The following TNIK variants were observed in gnomAD, a reference collection of about 807,000 sequenced individuals.
TNIK encodes TRAF2 and NCK-interacting protein kinase.
TNIK carries 49 observed loss-of-function variants against 191.3 expected under a neutral mutation model. The observed-to-expected ratio is 0.26, with a 90% confidence interval of 0.20 to 0.32. The LOEUF (loss-of-function observed/expected upper bound fraction) is 0.32, where lower values mean the gene tolerates loss of function less well. TNIK is among the 10% of genes least tolerant of loss of function. The pLI, the probability that TNIK is intolerant of heterozygous loss-of-function variation, is 1.00. For missense variants in TNIK, 1,155 were observed against 1,702.3 expected (o/e 0.68, Z 5.66); for synonymous variants, 594 against 600.9 (o/e 0.99, Z 0.17).
chr3:171,386,057 T>G (rs1375171107), intron 1 of TNIK, among the ~76,000 whole-genome samples: 1 of 152,216 alleles, frequency 6.6e-6, no homozygotes. Context: ...CTTCCAAAGC[T>G]GAAGCTGGGC....
intron 15 of TNIK, among the ~76,000 whole-genome samples, chr3:171,133,798 C>A (rs1729626562): frequency 6.6e-6 from 1 of 152,058 alleles, no homozygotes; most frequent in Non-Finnish European, 1.5e-5. Flanking sequence ...GCAGAGAAAT[C>A]CGGATGGAGA....
intron 1 of TNIK, among the ~76,000 whole-genome samples, chr3:171,398,757 T>A (rs758204727): frequency 3.5e-4 from 54 of 152,244 alleles, no homozygotes; most frequent in Admixed American, 9.8e-4. Flanking sequence ...TATGGGAGTG[T>A]ATTCATGGTT....
chr3:171,066,841 C>T (rs1718502183), intron 30 of TNIK, 106 bp from the exon 31 acceptor site: 56 of 1,355,278 alleles, frequency 4.1e-5, no homozygotes, highest in Non-Finnish European at 5.5e-5. Flanking sequence ...TTTTCATTGT[C>T]ACCCTAAAGA....
At chr3:171,423,265 C>T (rs1724062689) in intron 1 of TNIK, among the ~76,000 whole-genome samples, 1 of 152,048 alleles carries the variant, frequency 6.6e-6, no homozygotes, top group African/African-American at 2.4e-5. Context: ...CCTAGGAATC[C>T]AACTTACAAG....
chr3:171,234,892 G>A (rs907415590), intron 2 of TNIK, among the ~76,000 whole-genome samples: 16 of 152,136 alleles, frequency 1.1e-4, no homozygotes, highest in East Asian at 1.9e-4. Context: ...AGGGCCTTGC[G>A]CCAAGAACAC....
At chr3:171,272,001 A>C (rs1749165092) in intron 2 of TNIK, among the ~76,000 whole-genome samples, 1 of 152,246 alleles carries the variant, frequency 6.6e-6, no homozygotes, top group African/African-American at 2.4e-5. Context: ...TTAATTGTTG[A>C]ATTGTTTCTT....
chr3:171,436,265 C>T (rs1011885646), intron 1 of TNIK, among the ~76,000 whole-genome samples: 3 of 150,688 alleles, frequency 2.0e-5, no homozygotes, highest in Non-Finnish European at 3.0e-5. Flanking sequence ...GAGGCAGAAC[C>T]TAATACCTTG....
intron 1 of TNIK, among the ~76,000 whole-genome samples, chr3:171,439,087 G>C (rs922725731): frequency 6.6e-6 from 1 of 152,194 alleles, no homozygotes; most frequent in African/African-American, 2.4e-5. Flanking sequence ...GCTCACGCCT[G>C]TAATCCCAGC....
intron 24 of TNIK, among the ~76,000 whole-genome samples, chr3:171,086,736 G>C (rs1326833849): frequency 6.6e-6 from 1 of 152,132 alleles, no homozygotes; most frequent in Non-Finnish European, 1.5e-5. Context: ...TCATCCAACT[G>C]GTGTCAGTCA....
chr3:171,242,625 T>A lies in TNIK; in HGVS notation c.124-14404A>T, dbSNP rs1454706428. Among the ~76,000 whole-genome samples the A allele has an allele frequency of 2.0e-5, 3 of 152,134 alleles. No individual in the cohort carries two copies. The South Asian group carries it at 6.2e-4, about 32-fold the overall frequency. ...GACATTAAGAAAATAAAATTGGCGC[T>A]CATATAAGCAAAATAACTGAATTGC... On this transcript the variant is annotated intron_variant, in intron 2 of 32. Transcript: ENST00000436636.
chr3:171,082,897 T>C (rs1720868477), intron 26 of TNIK, among the ~76,000 whole-genome samples: 1 of 152,208 alleles, frequency 6.6e-6, no homozygotes, highest in Non-Finnish European at 1.5e-5. Flanking sequence ...AACTATCTTA[T>C]GCCCCATACC....
intron 2 of TNIK, among the ~76,000 whole-genome samples, chr3:171,279,337 T>C (rs6805537): frequency 0.38 from 58,327 of 152,022 alleles, 11,691 homozygotes; most frequent in Non-Finnish European, 0.41. Context: ...AAACATAAAA[T>C]TCTATATATT....
intron 18 of TNIK, among the ~76,000 whole-genome samples, chr3:171,118,578 T>C (rs986058630): frequency 6.6e-6 from 1 of 152,180 alleles, no homozygotes; most frequent in African/African-American, 2.4e-5. Flanking sequence ...ATGGTACTGG[T>C]ACCAAAACAG....
intron 8 of TNIK, among the ~76,000 whole-genome samples, chr3:171,176,790 A>G (rs78598434): frequency 0.026 from 3,888 of 152,334 alleles, 92 homozygotes; most frequent in African/African-American, 0.064. Context: ...CTCATGACAG[A>G]GACTCTCTGC....
chr3:171,182,674 A>G (rs1186196492), intron 7 of TNIK, among the ~76,000 whole-genome samples: 1 of 152,150 alleles, frequency 6.6e-6, no homozygotes. Flanking sequence ...GGGAGTGGGG[A>G]ACAGCTGATA....
At chr3:171,262,528 A>G (rs557287915) in intron 2 of TNIK, among the ~76,000 whole-genome samples, 2 of 152,352 alleles carry the variant, frequency 1.3e-5, no homozygotes, top group East Asian at 3.9e-4. Flanking sequence ...TCAGAACAGA[A>G]GCAACAAGTG....
chr3:171,227,136 G>C (rs1419472336), intron 3 of TNIK, among the ~76,000 whole-genome samples: 1 of 152,130 alleles, frequency 6.6e-6, no homozygotes, highest in African/African-American at 2.4e-5. Flanking sequence ...TTGATGTCCA[G>C]TGAATCCTTT....
chr3:171,368,120 T>C (rs1452842095), intron 2 of TNIK, among the ~76,000 whole-genome samples: 1 of 152,260 alleles, frequency 6.6e-6, no homozygotes, highest in Non-Finnish European at 1.5e-5. Context: ...TCATCCTTAA[T>C]TGAATCTCTT....
At chr3:171,445,039 A>T (rs1727310966) in intron 1 of TNIK, among the ~76,000 whole-genome samples, 1 of 152,150 alleles carries the variant, frequency 6.6e-6, no homozygotes, top group Admixed American at 6.5e-5. Flanking sequence ...TTAAACATTT[A>T]GGCCAGTGGT....
Sources: allele counts gnomAD v4.1 joint callset (sites outside exome capture counted in the v4.1 genomes callset), GRCh38; gene constraint gnomAD v4.1.1; transcripts MANE v1.5; gene names NCBI Gene and HGNC (gene_info 2026-07-23, HGNC 2026-07-21).